Variants in ZNF727 observed in about 807,000 individuals in gnomAD.
ZNF727 encodes zinc finger protein 727, also known as putative zinc finger protein 727.
A neutral mutation model predicts 11.5 loss-of-function variants in ZNF727; 11 were observed. The ratio of observed to expected loss-of-function variants is 0.95; its 90% CI spans 0.60 to 1.58. ZNF727 has a LOEUF of 1.58. Among genes scored for constraint, ZNF727 ranks in the 40% most tolerant of loss-of-function variants. ZNF727 has a pLI of 0.00. For synonymous variants in ZNF727, 171 were observed against 196.1 expected, an observed-to-expected ratio of 0.87 and a Z score of 1.07; for missense variants, 533 against 581.7, an observed-to-expected ratio of 0.92 and a Z score of 0.86.
intron 3 of ZNF727, among the ~76,000 whole-genome samples, chr7:64,076,966 A>G (rs373298518): frequency 6.6e-6 from 1 of 152,168 alleles, no homozygotes; most frequent in African/African-American, 2.4e-5. Context: ...TTGGGAGTCT[A>G]TATTTAAAGT....
At position 64,078,068 on chromosome 7, in the gene ZNF727, A is replaced by G; in HGVS notation, c.1019A>G (p.Tyr340Cys). 4 of 1,611,722 alleles carry G rather than the reference A, an allele frequency of 2.5e-6. No individual in the cohort carries two copies. Among genetic ancestry groups the G allele is most frequent in the East Asian group, 2.2e-5 (1 of 44,650 alleles). The part of the protein sequence containing the change: ...HNRIHTGEKP[Y>C]ICEECGKAFT... ...AGAATTCATACTGGAGAGAAACCCT[A>G]CATTTGTGAAGAATGTGGCAAAGCC... Residue 340 changes from tyrosine to cysteine, a missense_variant, in exon 4 of 4, where the codon TAC becomes TGC. Around this residue, in one of 3 missense-constraint regions of ZNF727, gnomAD observed 463 missense variants for 494.5 expected, o/e 0.94. Transcript: ENST00000456806.
In ZNF727 at chr7:64,085,102, A is replaced by G. The variant is rs1377427111; in HGVS notation, c.*6553A>G. Among the ~76,000 whole-genome samples the G allele has an allele frequency of 6.6e-6, 1 of 152,148 alleles. No individual in the cohort carries two copies. Among genetic ancestry groups the G allele is most frequent in the Non-Finnish European group, 1.5e-5 (1 of 68,006 alleles). ...TTTTCTTGTCATCTAATTTCAGAAA[A>G]CATTATTTGTACTATCCCCTCAGAG... On this transcript the variant is annotated 3_prime_UTR_variant, in exon 4 of 4. Transcript: ENST00000456806.
chr7:64,060,590 T>C (rs1234315227), intron 1 of ZNF727, among the ~76,000 whole-genome samples: 1 of 152,236 alleles, frequency 6.6e-6, no homozygotes, highest in Non-Finnish European at 1.5e-5. Context: ...CATGGGAACC[T>C]GAATCCCAGA....
In ZNF727 at chr7:64,045,521, C is replaced by T. The variant is rs1458892971; in HGVS notation, c.-101C>T. ...CTGTACTATTCCATCTCTTCCGCTC[C>T]ATTAGCTCCTCGGTGACTCCACCAT... On this transcript the variant is annotated 5_prime_UTR_variant, in exon 1 of 4. Transcript: ENST00000456806. 5 of 1,476,652 alleles carry T rather than the reference C, an allele frequency of 3.4e-6. No homozygotes were observed. The African/African-American group carries it at 5.6e-5, about 17-fold the overall frequency. 91.5% of individuals were successfully genotyped at this position (1,476,652 alleles called of 1,614,324 possible). A position where few individuals can be genotyped will look rare whatever the true frequency, so the allele number is the denominator to read the frequency against.
intron 1 of ZNF727, among the ~76,000 whole-genome samples, chr7:64,062,106 A>T (rs1290455341): frequency 6.6e-6 from 1 of 152,098 alleles, no homozygotes; most frequent in African/African-American, 2.4e-5. Flanking sequence ...ACTAAGCCTC[A>T]AAAGTAGAAA....
rs1785739976 is a variant in ZNF727 at position 64,078,956 on chromosome 7, C to G, written c.*407C>G. Among the ~76,000 whole-genome samples the G allele has an allele frequency of 2.1e-5, 3 of 142,644 alleles. No homozygotes were observed. The highest frequency in any genetic ancestry group is 4.6e-4 in the South Asian group (2 of 4,384). The allele number at this position is 142,644 out of a possible 152,430, so 93.6% of individuals were successfully genotyped here. ...TATGTGGATCTCGGCCCTTAGAAAA[C>G]ATAAGAGAATTCATACTGGAGAGAC... On this transcript the variant is annotated 3_prime_UTR_variant, in exon 4 of 4. Transcript: ENST00000456806.
chr7:64,052,877 G>A (rs1278583318), intron 1 of ZNF727, among the ~76,000 whole-genome samples: 11 of 152,170 alleles, frequency 7.2e-5, no homozygotes, highest in South Asian at 2.1e-4. Flanking sequence ...TCAAACTTGC[G>A]TGAGACCTGT....
intron 1 of ZNF727, among the ~76,000 whole-genome samples, chr7:64,058,744 A>G (rs1475958284): frequency 2.6e-5 from 4 of 152,210 alleles, no homozygotes; most frequent in African/African-American, 9.6e-5. Flanking sequence ...AAAGGAATGT[A>G]AACACAAGAT....
intron 1 of ZNF727, among the ~76,000 whole-genome samples, chr7:64,066,687 A>G (rs1170271230): frequency 6.6e-6 from 1 of 152,178 alleles, no homozygotes. Context: ...AAAACCTAAA[A>G]CCATAAAAAC....
chr7:64,061,292 T>G (rs1789766160), intron 1 of ZNF727, among the ~76,000 whole-genome samples: 1 of 152,192 alleles, frequency 6.6e-6, no homozygotes. Flanking sequence ...TAGCTATTAT[T>G]GTATTGGGGT....
intron 1 of ZNF727, among the ~76,000 whole-genome samples, chr7:64,057,738 A>G (rs550970279): frequency 6.6e-6 from 1 of 152,258 alleles, no homozygotes; most frequent in South Asian, 2.1e-4. Context: ...GTAAAAAAAA[A>G]AAATACCTAA....
chr7:64,054,333 A>G (rs776022494), intron 1 of ZNF727, among the ~76,000 whole-genome samples: 1 of 152,196 alleles, frequency 6.6e-6, no homozygotes, highest in Non-Finnish European at 1.5e-5. Flanking sequence ...AGAGACCAAT[A>G]TATGTTTCTT....
Position 64,080,919 on chromosome 7 carries a change from G to A in ZNF727, c.*2370G>A, listed in dbSNP as rs1785776734. ...TTTTTTTTTTGTGGTGGTGGAGGGG[G>A]CAATGCTCAGCTCACAACTCAGAGG... On this transcript the variant is annotated 3_prime_UTR_variant, in exon 4 of 4. Transcript: ENST00000456806. Among the ~76,000 whole-genome samples the A allele has an allele frequency of 6.6e-6, 1 of 151,352 alleles. No individual in the cohort carries two copies. The highest frequency in any genetic ancestry group is 1.5e-5 in the Non-Finnish European group (1 of 67,844).
chr7:64,078,155 A>G lies in ZNF727; in HGVS notation c.1106A>G (p.Lys369Arg). 1 of 1,595,580 alleles carries G rather than the reference A, an allele frequency of 6.3e-7. No individual in the cohort carries two copies. Among genetic ancestry groups the G allele is most frequent in the East Asian group, 2.3e-5 (1 of 43,634 alleles). The change falls in exon 4 of 4, where the codon AAA (lysine) becomes AGA (arginine). Residue 369 changes from lysine to arginine, a missense_variant. Coordinates refer to ENST00000456806, the MANE Select transcript of ZNF727 (RefSeq NM_001159522.3). Reference sequence around the variant, plus strand: ...ATTCATATGGAATTGAGACCTTACAAATGTGAAGAATGTGGCAAAACCTTT... The same window carrying G: ...ATTCATATGGAATTGAGACCTTACAGATGTGAAGAATGTGGCAAAACCTTT... ...KRIHMELRPYKCEECGKTFKW... is the reference protein window; with the variant it reads ...KRIHMELRPYRCEECGKTFKW...
At position 64,077,738 on chromosome 7, in the gene ZNF727, G is replaced by A. The variant is rs1372051478; in HGVS notation, c.689G>A (p.Cys230Tyr). 5.7e-6 allele frequency: 9 copies of A among 1,583,272 alleles called. No individual in the cohort carries two copies. The highest frequency in any genetic ancestry group is 7.7e-6 in the Non-Finnish European group (9 of 1,164,200). ...CATACTGGAAAGAAACCCTACAAAT[G>A]TGAAGAATGTGGCAAAACATTTACC... Reference protein sequence around the residue: ...RVHTGKKPYKCEECGKTFTCS... With the variant: ...RVHTGKKPYKYEECGKTFTCS... The change falls in exon 4 of 4, where the codon TGT becomes TAT. Residue 230 changes from cysteine to tyrosine, a missense_variant. Physicochemically the swap from Cys to Tyr is radical, Grantham distance 194 (BLOSUM62 -2). Coordinates refer to ENST00000456806, the MANE Select transcript of ZNF727 (RefSeq NM_001159522.3).
intron 3 of ZNF727, 49 bp from the exon 4 acceptor site, chr7:64,077,227 A>G (rs1785679946): frequency 6.9e-7 from 1 of 1,449,116 alleles, no homozygotes; most frequent in Admixed American, 2.8e-5. Context: ...AAGTGTATTC[A>G]CCTAAGTCTG....
At chr7:64,068,036 T>G (rs1268966695) in intron 1 of ZNF727, among the ~76,000 whole-genome samples, 1 of 151,932 alleles carries the variant, frequency 6.6e-6, no homozygotes, top group East Asian at 1.9e-4. Flanking sequence ...CAGATTAAGT[T>G]GACCCTTTTT....
chr7:64,068,270 C>T (rs1789902745), intron 1 of ZNF727, among the ~76,000 whole-genome samples: 1 of 152,220 alleles, frequency 6.6e-6, no homozygotes, highest in Admixed American at 6.5e-5. Context: ...CACATTTAAT[C>T]TGACAGCTCT....
At chr7:64,053,503 T>C (rs1365259885) in intron 1 of ZNF727, among the ~76,000 whole-genome samples, 2 of 152,070 alleles carry the variant, frequency 1.3e-5, no homozygotes, top group African/African-American at 4.8e-5. Context: ...GTATTTTTAG[T>C]AGAGATGGGG....
Sources: gnomAD v4.1 joint callset for allele counts (sites outside exome capture counted in the v4.1 genomes callset) on GRCh38, gnomAD v4.1.1 for gene constraint, gnomAD v4.1.1 regional missense constraint, MANE v1.5 for transcripts, NCBI Gene and HGNC (gene_info 2026-07-23, HGNC 2026-07-21) for gene names.